Variants in NFIA observed in about 807,000 individuals in gnomAD.
NFIA encodes the protein nuclear factor I A.
NFIA carries 8 observed loss-of-function variants against 62.8 expected under a neutral mutation model. The observed-to-expected ratio is 0.13, with a 90% CI of 0.07 to 0.23. The LOEUF (loss-of-function observed/expected upper bound fraction) is 0.23, where lower values mean the gene tolerates loss of function less well. Ranked by LOEUF, NFIA falls within the 10% of genes least tolerant of loss-of-function variation. The pLI, the probability that NFIA is intolerant of heterozygous loss-of-function variation, is 1.00. For missense variants in NFIA, 410 were observed against 642.1 expected (o/e 0.64, Z 3.91); for synonymous variants, 235 against 238.1 (o/e 0.99, Z 0.12).
intron 2 of NFIA, among the ~76,000 whole-genome samples, chr1:61,149,584 T>C (rs959782742): frequency 6.6e-6 from 1 of 152,164 alleles, no homozygotes; most frequent in East Asian, 1.9e-4. Flanking sequence ...CAGTATTAAA[T>C]TACTAAGCCA....
intron 3 of NFIA, among the ~76,000 whole-genome samples, chr1:61,291,602 G>C (rs1658885697): frequency 6.6e-6 from 1 of 152,220 alleles, no homozygotes; most frequent in African/African-American, 2.4e-5. Context: ...TGAGGCACAT[G>C]TTCATGATCA....
intron 2 of NFIA, among the ~76,000 whole-genome samples, chr1:61,161,586 A>AACACAC (rs56383204): frequency 7.0e-4 from 105 of 149,468 alleles, no homozygotes; most frequent in Admixed American, 2.2e-3. Flanking sequence ...CGCCATGTGC[A>AACACAC]ACACACACAC....
At chr1:61,331,498 T>C (rs1661296577) in intron 3 of NFIA, among the ~76,000 whole-genome samples, 1 of 152,246 alleles carries the variant, frequency 6.6e-6, no homozygotes, top group Non-Finnish European at 1.5e-5. Context: ...ATATTCAGAT[T>C]GGTCTATTTT....
chr1:61,192,189 A>C (rs1334290212), intron 2 of NFIA, among the ~76,000 whole-genome samples: 2 of 152,104 alleles, frequency 1.3e-5, no homozygotes, highest in Non-Finnish European at 2.9e-5. Context: ...CGATCTCCTG[A>C]CCTTGTAATC....
chr1:61,197,234 CTTTTT>C (rs1002158986), intron 2 of NFIA, among the ~76,000 whole-genome samples: 4 of 93,384 alleles, frequency 4.3e-5, no homozygotes, highest in African/African-American at 1.3e-4. Context: ...TACTCTGGTT[CTTTTT>C]TTTTTTTTTT....
At chr1:61,139,750 C>T (rs180830849) in intron 2 of NFIA, among the ~76,000 whole-genome samples, 2 of 152,166 alleles carry the variant, frequency 1.3e-5, no homozygotes, top group African/African-American at 2.4e-5. Flanking sequence ...TATTCCCATT[C>T]TTCTTTAAAA....
intron 2 of NFIA, among the ~76,000 whole-genome samples, chr1:61,267,896 A>G (rs1352527068): frequency 6.6e-6 from 1 of 152,174 alleles, no homozygotes; most frequent in African/African-American, 2.4e-5. Flanking sequence ...TACAGGGTGA[A>G]AGGCACCATA....
intron 2 of NFIA, among the ~76,000 whole-genome samples, chr1:61,235,663 A>G (rs1283206015): frequency 5.3e-5 from 8 of 150,522 alleles, no homozygotes; most frequent in Non-Finnish European, 1.2e-4. Flanking sequence ...AAAAAAAAAA[A>G]AAAGCTGGGT....
chr1:61,299,156 A>C (rs1277194000), intron 3 of NFIA, among the ~76,000 whole-genome samples: 2 of 152,178 alleles, frequency 1.3e-5, no homozygotes, highest in Non-Finnish European at 2.9e-5. Context: ...CTAAGTGCTG[A>C]ATTTTTCCTT....
At chr1:61,115,708 C>G (rs1646782835) in intron 2 of NFIA, among the ~76,000 whole-genome samples, 1 of 152,236 alleles carries the variant, frequency 6.6e-6, no homozygotes, top group Non-Finnish European at 1.5e-5. Flanking sequence ...GACCCTTGAG[C>G]AAGGCTGCCC....
intron 7 of NFIA, 141 bp from the exon 8 acceptor site, chr1:61,403,963 C>T (rs1665692189): frequency 1.1e-6 from 1 of 930,030 alleles, no homozygotes. Context: ...ATCTGTCAGA[C>T]CTATCCAGTG....
chr1:61,116,666 A>G (rs1036904994), intron 2 of NFIA, among the ~76,000 whole-genome samples: 2 of 152,284 alleles, frequency 1.3e-5, no homozygotes, highest in African/African-American at 2.4e-5. Flanking sequence ...TAAATTATCA[A>G]CGATGACTGC....
At chr1:61,389,747 T>TG (rs1405010174) in intron 7 of NFIA, among the ~76,000 whole-genome samples, 1 of 151,752 alleles carries the variant, frequency 6.6e-6, no homozygotes, top group African/African-American at 2.4e-5. Context: ...ACACTGAGTT[T>TG]TTTTTTTTTA....
At chr1:61,185,890 C>A (rs1482911817) in intron 2 of NFIA, among the ~76,000 whole-genome samples, 1 of 152,046 alleles carries the variant, frequency 6.6e-6, no homozygotes. Flanking sequence ...GTCTGAAATG[C>A]TCTTGTTAAT....
chr1:61,430,967 A>C (rs1027586177), intron 10 of NFIA, among the ~76,000 whole-genome samples: 1 of 152,072 alleles, frequency 6.6e-6, no homozygotes, highest in African/African-American at 2.4e-5. Flanking sequence ...AACTGTGGCC[A>C]CTTGTCCCAC....
chr1:61,152,436 C>T (rs1232300462), intron 2 of NFIA, among the ~76,000 whole-genome samples: 1 of 152,244 alleles, frequency 6.6e-6, no homozygotes, highest in East Asian at 1.9e-4. Context: ...TTCAGGCAGG[C>T]ACTTGTAAAT....
intron 10 of NFIA, among the ~76,000 whole-genome samples, chr1:61,451,397 A>AGGCACTTTATTAAATCCTTAGTC (rs1668053490): frequency 6.6e-6 from 1 of 152,238 alleles, no homozygotes; most frequent in African/African-American, 2.4e-5. Context: ...CCACATCTGC[A>AGGCACTTTATTAAATCCTTAGTC]GGCACTTTAT....
At chr1:61,327,028 GA>G (rs869136527) in intron 3 of NFIA, among the ~76,000 whole-genome samples, 18 of 85,612 alleles carry the variant, frequency 2.1e-4, no homozygotes, top group Admixed American at 3.3e-4. Context: ...CTTTTTAAAA[GA>G]AAAAAAAATA....
chr1:61,233,699 C>T (rs80272590), intron 2 of NFIA, among the ~76,000 whole-genome samples: 6,876 of 152,174 alleles, frequency 0.045, 226 homozygotes, highest in Non-Finnish European at 0.064. Context: ...TAGTAACCAC[C>T]TCAAAGAGGA....
Sources: gnomAD v4.1 joint callset for allele counts (sites outside exome capture counted in the v4.1 genomes callset) on GRCh38, gnomAD v4.1.1 for gene constraint, MANE v1.5 for transcripts, NCBI Gene and HGNC (gene_info 2026-07-23, HGNC 2026-07-21) for gene names.